RANBP17: variants seen among roughly 807,000 people sequenced by gnomAD.
The protein encoded by RANBP17 is ran-binding protein 17.
A neutral mutation model predicts 141.2 loss-of-function variants in RANBP17; 158 were observed. The ratio of observed to expected loss-of-function variants is 1.12; its 90% CI spans 0.98 to 1.28. The LOEUF is 1.28. RANBP17 is among the 50% of genes most tolerant of loss of function. The pLI, the probability that RANBP17 is intolerant of heterozygous loss-of-function variation, is 0.00. For missense variants in RANBP17, 1,438 were observed against 1,290.7 expected, an observed-to-expected ratio of 1.11 and a Z score of -1.75; for synonymous variants, 430 against 450.0, an observed-to-expected ratio of 0.96 and a Z score of 0.56.
chr5:171,153,751 TC>T (rs1448902527), intron 14 of RANBP17, among the ~76,000 whole-genome samples: 1 of 152,182 alleles, frequency 6.6e-6, no homozygotes, highest in Non-Finnish European at 1.5e-5. Context: ...ACTTTTCCAT[TC>T]AAGATTGCAA....
Position 170,920,115 on chromosome 5 carries a change from C to G in RANBP17, c.1274+502C>G, listed in dbSNP as rs564603456. On this transcript the variant is annotated intron_variant, in intron 11 of 27. Transcript: ENST00000523189. Reference sequence around the variant, plus strand: ...TTGGCCATTGTAAATAAAACTGATGCAAATACTCCTGCACAGATTTTGTAC... The same window carrying G: ...TTGGCCATTGTAAATAAAACTGATGGAAATACTCCTGCACAGATTTTGTAC... 3.3e-5 allele frequency among the ~76,000 whole-genome samples: 5 copies of G among 152,160 alleles called. No individual in the cohort carries two copies. The South Asian group carries it at 1.0e-3, about 32-fold the overall frequency.
At chr5:171,173,014 G>C (rs1010859467) in intron 16 of RANBP17, among the ~76,000 whole-genome samples, 1 of 151,668 alleles carries the variant, frequency 6.6e-6, no homozygotes, top group Non-Finnish European at 1.5e-5. Flanking sequence ...TTCAACATGG[G>C]TACATTGATT....
intron 14 of RANBP17, among the ~76,000 whole-genome samples, chr5:171,065,987 A>C (rs1273173694): frequency 6.6e-6 from 1 of 151,226 alleles, no homozygotes; most frequent in African/African-American, 2.4e-5. Context: ...CAGCCTCCTA[A>C]GTAGCTGAGA....
intron 4 of RANBP17, among the ~76,000 whole-genome samples, chr5:170,893,661 C>T (rs1286279704): frequency 2.6e-5 from 4 of 151,868 alleles, no homozygotes; most frequent in South Asian, 2.1e-4. Flanking sequence ...GGCGTGGTGG[C>T]GGGCGCCTGT....
chr5:170,904,009 C>G, intron 5 of RANBP17: 2 of 482,550 alleles, frequency 4.1e-6, no homozygotes, highest in South Asian at 1.8e-5. Flanking sequence ...CAGATGTTTT[C>G]AAATGCCTTT....
intron 20 of RANBP17, chr5:171,207,554 A>G (rs951298319): frequency 6.6e-6 from 1 of 152,156 alleles, no homozygotes; most frequent in Admixed American, 6.6e-5. Context: ...TGTCTCCTCC[A>G]TTTGACCATA....
intron 18 of RANBP17, among the ~76,000 whole-genome samples, chr5:171,199,276 C>T (rs1762157995): frequency 6.6e-6 from 1 of 151,970 alleles, no homozygotes; most frequent in South Asian, 2.1e-4. Context: ...AGTCTTTGAG[C>T]CCTTTAGGGC....
At chr5:170,941,418 G>A (rs577129369) in intron 12 of RANBP17, among the ~76,000 whole-genome samples, 2 of 152,140 alleles carry the variant, frequency 1.3e-5, no homozygotes, top group South Asian at 4.1e-4. Flanking sequence ...ATACAGCAAA[G>A]ATTTAAAAGG....
chr5:170,900,827 A>C (rs943098672), intron 5 of RANBP17, among the ~76,000 whole-genome samples: 1 of 152,168 alleles, frequency 6.6e-6, no homozygotes, highest in Non-Finnish European at 1.5e-5. Flanking sequence ...TGCAGTTTTG[A>C]GTGAGTTTCT....
intron 27 of RANBP17, among the ~76,000 whole-genome samples, chr5:171,296,404 A>T (rs755551694): frequency 1.3e-5 from 2 of 152,212 alleles, no homozygotes; most frequent in Non-Finnish European, 2.9e-5. Context: ...CCCGAGATAC[A>T]GCTGAGTTAG....
chr5:170,983,150 A>G, intron 14 of RANBP17: 1 of 512,122 alleles, frequency 2.0e-6, no homozygotes, highest in Non-Finnish European at 3.8e-6. Flanking sequence ...TGAGAATCAG[A>G]GGATCAAACA....
intron 14 of RANBP17, among the ~76,000 whole-genome samples, chr5:170,995,851 T>C (rs536236339): frequency 6.6e-6 from 1 of 152,110 alleles, no homozygotes; most frequent in South Asian, 2.1e-4. Context: ...ACTAAAACGA[T>C]TGGAAGAAAA....
In RANBP17 at chr5:171,071,706, C is replaced by T. The variant is rs571033987; in HGVS notation, c.1711-98424C>T. Among the ~76,000 whole-genome samples the T allele has an allele frequency of 4.6e-5, 6 of 131,852 alleles. No individual in the cohort carries two copies. In the South Asian group the frequency reaches 1.5e-3, roughly 34 times the overall value. 86.5% of individuals were successfully genotyped at this position (131,852 alleles called of 152,430 possible). A position where few individuals can be genotyped will look rare whatever the true frequency, so the allele number is the denominator to read the frequency against. On this transcript the variant is annotated intron_variant, in intron 14 of 27. Coordinates refer to ENST00000523189, the MANE Select transcript of RANBP17 (RefSeq NM_022897.5). ...CAATACGTCAACATGTACCACACAA[C>T]TTGTACAAAAATTAACTCAGAATGC...
intron 14 of RANBP17, among the ~76,000 whole-genome samples, chr5:171,029,424 G>A (rs972636344): frequency 6.6e-5 from 10 of 152,010 alleles, no homozygotes; most frequent in South Asian, 2.1e-4. Flanking sequence ...TTTTAATAAC[G>A]TTTGATTATG....
At chr5:170,928,366 C>T (rs1773093340) in intron 12 of RANBP17, among the ~76,000 whole-genome samples, 1 of 151,972 alleles carries the variant, frequency 6.6e-6, no homozygotes, top group Non-Finnish European at 1.5e-5. Flanking sequence ...TCTACTTTTT[C>T]ACTTTTTTCT....
intron 12 of RANBP17, among the ~76,000 whole-genome samples, chr5:170,927,312 A>C (rs1773005150): frequency 6.6e-6 from 1 of 152,118 alleles, no homozygotes; most frequent in Non-Finnish European, 1.5e-5. Context: ...ATACATGTGC[A>C]GAATGTGCAG....
At chr5:170,983,044 T>G (rs80235132) in intron 14 of RANBP17, 5,432 of 491,008 alleles carry the variant, frequency 0.011, 235 homozygotes, top group African/African-American at 0.092. Context: ...TCAACTTTAC[T>G]TCTCTTATAT....
At chr5:171,031,178 T>C (rs185947243) in intron 14 of RANBP17, among the ~76,000 whole-genome samples, 269 of 152,126 alleles carry the variant, frequency 1.8e-3, no homozygotes, top group Non-Finnish European at 2.8e-3. Flanking sequence ...GCTTTAAATA[T>C]GTAGATTTAG....
chr5:171,233,491 T>C (rs1336327133), intron 22 of RANBP17, among the ~76,000 whole-genome samples: 2 of 28,888 alleles, frequency 6.9e-5, no homozygotes, highest in Non-Finnish European at 2.2e-4. Context: ...CTAAAACTGA[T>C]TTTTTTCAAT....
Sources: gnomAD v4.1 joint callset for allele counts (sites outside exome capture counted in the v4.1 genomes callset) on GRCh38, gnomAD v4.1.1 for gene constraint, MANE v1.5 for transcripts, NCBI Gene and HGNC (gene_info 2026-07-23, HGNC 2026-07-21) for gene names.